The following ABAT variants were observed in gnomAD, a reference collection of about 807,000 sequenced individuals.
ABAT encodes the protein 4-aminobutyrate aminotransferase.
In ABAT, 45 loss-of-function variants were observed where a neutral mutation model predicts 64.6. The observed-to-expected ratio is 0.70, with a 90% CI of 0.55 to 0.89. ABAT has a LOEUF of 0.89. ABAT is among the 40% of genes least tolerant of loss of function. ABAT has a pLI of 0.00. For synonymous variants in ABAT, 297 were observed against 250.5 expected (o/e 1.19, Z -1.75); for missense variants, 633 against 658.4 (o/e 0.96, Z 0.42).
chr16:8,754,219 G>A (rs1406529923), intron 5 of ABAT, among the ~76,000 whole-genome samples: 1 of 128,628 alleles, frequency 7.8e-6, no homozygotes, highest in East Asian at 2.5e-4. Flanking sequence ...GCCGGGCATG[G>A]TGGTGCATAC....
intron 1 of ABAT, among the ~76,000 whole-genome samples, chr16:8,678,145 ATGTGTCTAGC>A (rs1251248187): frequency 2.0e-5 from 3 of 152,168 alleles, no homozygotes; most frequent in African/African-American, 7.2e-5. Flanking sequence ...GGAGAAGGAG[ATGTGTCTAGC>A]TGTGGAGCCT....
intron 2 of ABAT, among the ~76,000 whole-genome samples, chr16:8,744,806 T>C (rs567544903): frequency 2.1e-4 from 32 of 151,988 alleles, no homozygotes; most frequent in Non-Finnish European, 3.8e-4. Context: ...AAGCAGATGT[T>C]GCAGTGAGCC....
intron 1 of ABAT, among the ~76,000 whole-genome samples, chr16:8,690,559 T>C (rs1192489932): frequency 3.9e-5 from 6 of 152,200 alleles, no homozygotes; most frequent in African/African-American, 1.4e-4. Flanking sequence ...ATGACAACAT[T>C]TCTGGGGAGT....
At chr16:8,765,016 G>A (rs554695202) in intron 8 of ABAT, among the ~76,000 whole-genome samples, 186 bp downstream of exon 8, 2 of 152,214 alleles carry the variant, frequency 1.3e-5, no homozygotes, top group South Asian at 4.1e-4. Context: ...TGGTGCAGAG[G>A]GCTGAGGCTT....
chr16:8,778,069 C>T (rs911051197), intron 14 of ABAT, among the ~76,000 whole-genome samples: 3 of 152,154 alleles, frequency 2.0e-5, no homozygotes, highest in Non-Finnish European at 4.4e-5. Flanking sequence ...AAGACTTGCT[C>T]CCCCAACTCA....
chr16:8,716,347 G>C (rs1198359652), intron 1 of ABAT, among the ~76,000 whole-genome samples: 2 of 152,044 alleles, frequency 1.3e-5, no homozygotes, highest in Non-Finnish European at 2.9e-5. Flanking sequence ...TGTTCTGATG[G>C]GTATTATGAT....
At chr16:8,733,384 A>T (rs1376646639) in intron 1 of ABAT, among the ~76,000 whole-genome samples, 2 of 150,328 alleles carry the variant, frequency 1.3e-5, no homozygotes, top group African/African-American at 5.0e-5. Flanking sequence ...CACATCCCAG[A>T]CGATGGGCGG....
chr16:8,756,127 C>T (rs898956296), intron 5 of ABAT, among the ~76,000 whole-genome samples: 2 of 151,640 alleles, frequency 1.3e-5, no homozygotes, highest in Admixed American at 6.6e-5. Flanking sequence ...GCACGAGACA[C>T]GAGAATCGCT....
chr16:8,754,822 G>A (rs554207915), intron 5 of ABAT, among the ~76,000 whole-genome samples: 16 of 151,466 alleles, frequency 1.1e-4, no homozygotes, highest in Non-Finnish European at 1.3e-4. Flanking sequence ...TGGTTCAAGC[G>A]ATTCTCCTGC....
At chr16:8,743,248 G>A in intron 2 of ABAT, among the ~76,000 whole-genome samples, 1 of 150,904 alleles carries the variant, frequency 6.6e-6, no homozygotes, top group South Asian at 2.1e-4. Flanking sequence ...GGAAAATTAA[G>A]AGTGATTTTA....
chr16:8,772,859 G>T lies in ABAT; in HGVS notation c.896G>T (p.Gly299Val). The change falls in exon 12 of 16, where the codon GGT (glycine) becomes GTT (valine). Residue 299 changes from glycine (G) to valine (V), a missense_variant. Coordinates refer to ENST00000268251, the MANE Select transcript of ABAT (RefSeq NM_020686.6). ...GIIVEPIQSE[G>V]GDNHASDDFF... ...ATCGTGGAGCCCATCCAGTCCGAGG[G>T]TGGAGACAACCACGCATCCGATGAC... is the stretch of plus-strand genomic sequence containing the variant. 2 of 1,614,100 alleles carry T rather than the reference G, an allele frequency of 1.2e-6. No homozygotes were observed. Among genetic ancestry groups the T allele is most frequent in the East Asian group, 2.2e-5 (1 of 44,878 alleles).
chr16:8,721,634 G>C (rs1370890106), intron 1 of ABAT, among the ~76,000 whole-genome samples: 1 of 152,216 alleles, frequency 6.6e-6, no homozygotes. Flanking sequence ...AAGGTCTATT[G>C]CATGTGGTAG....
intron 1 of ABAT, among the ~76,000 whole-genome samples, chr16:8,729,559 C>A (rs2058658750): frequency 6.6e-6 from 1 of 152,104 alleles, no homozygotes; most frequent in Non-Finnish European, 1.5e-5. Context: ...ATGCCTCATG[C>A]CTATAATCCC....
chr16:8,677,301 C>G (rs8054014), intron 1 of ABAT, among the ~76,000 whole-genome samples: 13 of 152,162 alleles, frequency 8.5e-5, no homozygotes, highest in African/African-American at 2.9e-4. Flanking sequence ...TAACCCTTGC[C>G]GTAGATAATC....
intron 1 of ABAT, among the ~76,000 whole-genome samples, chr16:8,708,255 T>G (rs1429571233): frequency 6.6e-6 from 1 of 152,178 alleles, no homozygotes; most frequent in East Asian, 1.9e-4. Context: ...TTGCAGACTT[T>G]TTAACTCAAG....
intron 1 of ABAT, among the ~76,000 whole-genome samples, chr16:8,681,276 C>G (rs1182271589): frequency 1.3e-5 from 2 of 152,110 alleles, no homozygotes; most frequent in Non-Finnish European, 2.9e-5. Flanking sequence ...CAAGTGTGAA[C>G]TGCCTCGCCT....
At chr16:8,778,776 C>CAAAAAAAAAAAAAAAAAAAAA (rs71152934) in intron 14 of ABAT, among the ~76,000 whole-genome samples, 1 of 133,644 alleles carries the variant, frequency 7.5e-6, no homozygotes, top group African/African-American at 2.8e-5. Context: ...GACTCCATCT[C>CAAAAAAAAAAAAAAAAAAAAA]AAAAAAAAAA....
chr16:8,725,650 C>T (rs1596423969), intron 1 of ABAT, among the ~76,000 whole-genome samples: 2 of 152,096 alleles, frequency 1.3e-5, no homozygotes, highest in Non-Finnish European at 2.9e-5. Context: ...TTCTACCTTT[C>T]GGCGCTTGTG....
At chr16:8,716,448 C>T (rs991314838) in intron 1 of ABAT, among the ~76,000 whole-genome samples, 3 of 152,102 alleles carry the variant, frequency 2.0e-5, no homozygotes, top group South Asian at 2.1e-4. Context: ...TTGCTGCAGT[C>T]GTGATCCCAG....
Sources: allele counts gnomAD v4.1 joint callset (sites outside exome capture counted in the v4.1 genomes callset), GRCh38; gene constraint gnomAD v4.1.1; transcripts MANE v1.5; gene names NCBI Gene and HGNC (gene_info 2026-07-23, HGNC 2026-07-21).